The following SEPTIN10 variants were observed in gnomAD, a reference collection of about 807,000 sequenced individuals.
SEPTIN10 encodes septin-10.
SEPTIN10 carries 66 observed loss-of-function variants against 54.8 expected under a neutral mutation model. That is an observed-to-expected ratio of 1.21 (90% CI 0.99 to 1.48). SEPTIN10 has a LOEUF of 1.48. Among genes scored for constraint, SEPTIN10 ranks in the 40% most tolerant of loss-of-function variants. SEPTIN10 has a pLI of 0.00. For missense variants in SEPTIN10, 620 were observed against 545.6 expected (o/e 1.14, Z -1.36); for synonymous variants, 161 against 181.0 (o/e 0.89, Z 0.89).
At chr2:109,555,523 GA>G (rs770783689) in intron 8 of SEPTIN10, among the ~76,000 whole-genome samples, 1 of 152,192 alleles carries the variant, frequency 6.6e-6, no homozygotes, top group Non-Finnish European at 1.5e-5. Context: ...TATACCACTG[GA>G]GGCTATATTA....
chr2:109,561,657 C>T (rs899984660), intron 8 of SEPTIN10, among the ~76,000 whole-genome samples: 1 of 152,234 alleles, frequency 6.6e-6, no homozygotes, highest in Non-Finnish European at 1.5e-5. Context: ...TTAAATGTAA[C>T]ATTTCTAAAA....
Position 109,574,617 on chromosome 2 carries a change from T to G in SEPTIN10, c.564A>C (p.Thr188=), listed in dbSNP as rs762985012. 1.6e-5 allele frequency: 25 copies of G among 1,600,216 alleles called. No individual in the cohort carries two copies. The highest frequency in any genetic ancestry group is 2.0e-5 in the Non-Finnish European group (24 of 1,173,938). The change falls in exon 5 of 11, where the codon ACA becomes ACC. Residue 188 remains threonine (T), a synonymous_variant. Coordinates refer to ENST00000397712, the MANE Select transcript of SEPTIN10 (RefSeq NM_144710.5). ...FISPTGHSLK[T]LDLLTMKNLD... is the part of the protein sequence containing the mutation. ...GGTTCTTCATGGTTAAGAGATCAAG[T>G]GTCTTCAGAGAGTGGCCTGTCGGTG...
At chr2:109,573,562 A>C (rs4953783) in intron 5 of SEPTIN10, among the ~76,000 whole-genome samples, 20,398 of 152,124 alleles carry the variant, frequency 0.13, 1,841 homozygotes, top group African/African-American at 0.26. Flanking sequence ...GATGTGCCAA[A>C]GCTTCACTAG....
chr2:109,574,514 T>C, intron 5 of SEPTIN10, 67 bp downstream of exon 5: 1 of 1,024,414 alleles, frequency 9.8e-7, no homozygotes, highest in South Asian at 3.4e-5. Context: ...ATCCATATTG[T>C]AAAAATATTT....
At chr2:109,545,146 TG>T in intron 10 of SEPTIN10, 1 of 985,362 alleles carries the variant, frequency 1.0e-6, no homozygotes, top group Non-Finnish European at 1.2e-6. Flanking sequence ...GTGGGGAACA[TG>T]GGAGCATGCA....
rs573630899 is a variant in SEPTIN10, at chr2:109,544,886, T to C, written c.1350-562A>G. On this transcript the variant is annotated intron_variant, in intron 10 of 10. Coordinates refer to ENST00000397712, the MANE Select transcript of SEPTIN10 (RefSeq NM_144710.5). ...TAAAGATCCATGCCCTTGGAGAGCT[T>C]GCATTGAAAGATCATACATGAGAAT... 6 of 901,868 alleles carry C rather than the reference T, an allele frequency of 6.7e-6. No homozygotes were observed. The South Asian group carries it at 2.5e-4, about 38-fold the overall frequency. 55.9% of individuals were successfully genotyped at this position (901,868 alleles called of 1,614,324 possible). A position where few individuals can be genotyped will look rare whatever the true frequency, so the allele number is the denominator to read the frequency against.
chr2:109,592,986 A>T, intron 2 of SEPTIN10, 65 bp downstream of exon 2: 1 of 1,079,786 alleles, frequency 9.3e-7, no homozygotes, highest in Non-Finnish European at 1.3e-6. Context: ...CACTCCAAGT[A>T]GTTATTTTAA....
At chr2:109,545,970 T>C in intron 10 of SEPTIN10, 80 bp downstream of exon 10, 1 of 1,493,706 alleles carries the variant, frequency 6.7e-7, no homozygotes, top group African/African-American at 1.4e-5. Context: ...GAAGCAGAAG[T>C]AAGAAGCGCT....
At chr2:109,596,940 A>C (rs1695439544) in intron 1 of SEPTIN10, among the ~76,000 whole-genome samples, 1 of 152,154 alleles carries the variant, frequency 6.6e-6, no homozygotes, top group South Asian at 2.1e-4. Flanking sequence ...TTTTTTTAAA[A>C]TTTATTAATT....
chr2:109,558,076 A>T (rs907099621), intron 8 of SEPTIN10, among the ~76,000 whole-genome samples: 7 of 152,142 alleles, frequency 4.6e-5, no homozygotes, highest in African/African-American at 1.7e-4. Context: ...ACAGGCGTGA[A>T]CGACTGCACC....
At chr2:109,596,127 G>C (rs1558870073) in intron 1 of SEPTIN10, among the ~76,000 whole-genome samples, 1 of 152,102 alleles carries the variant, frequency 6.6e-6, no homozygotes, top group Admixed American at 6.6e-5. Context: ...AACCTCCTGG[G>C]CTCAGGCGAT....
At chr2:109,559,538 T>C (rs1685146413) in intron 8 of SEPTIN10, among the ~76,000 whole-genome samples, 2 of 152,222 alleles carry the variant, frequency 1.3e-5, no homozygotes, top group African/African-American at 4.8e-5. Context: ...CCTGAAGAAA[T>C]GCTCAGCAAA....
chr2:109,573,396 A>G (rs1688838705), intron 5 of SEPTIN10, among the ~76,000 whole-genome samples: 1 of 152,244 alleles, frequency 6.6e-6, no homozygotes, highest in African/African-American at 2.4e-5. Context: ...TTTAACAAAT[A>G]TGAATTTCCA....
At chr2:109,546,452 T>A (rs2104556961) in intron 9 of SEPTIN10, among the ~76,000 whole-genome samples, 1 of 152,308 alleles carries the variant, frequency 6.6e-6, no homozygotes, top group African/African-American at 2.4e-5. Flanking sequence ...CATGCAAAAA[T>A]CATAGCTTTA....
intron 1 of SEPTIN10, among the ~76,000 whole-genome samples, chr2:109,593,806 T>C (rs1694648139): frequency 6.6e-6 from 1 of 152,152 alleles, no homozygotes; most frequent in Non-Finnish European, 1.5e-5. Flanking sequence ...AATGCTACAA[T>C]TGTGGTGTGG....
At chr2:109,553,275 C>A in intron 8 of SEPTIN10, 56 bp from the exon 9 acceptor site, 2 of 1,582,642 alleles carry the variant, frequency 1.3e-6, no homozygotes, top group South Asian at 2.3e-5. Context: ...TCGGGTATGG[C>A]GGCTCACGCC....
chr2:109,589,734 G>A (rs1052383224), intron 2 of SEPTIN10, among the ~76,000 whole-genome samples: 2 of 146,514 alleles, frequency 1.4e-5, no homozygotes, highest in Non-Finnish European at 3.0e-5. Context: ...TTATTATATA[G>A]CCAAAAAAAA....
At chr2:109,546,735 C>CT (rs1332691358) in intron 9 of SEPTIN10, among the ~76,000 whole-genome samples, 1 of 152,076 alleles carries the variant, frequency 6.6e-6, no homozygotes, top group Non-Finnish European at 1.5e-5. Flanking sequence ...AATGTTAAAA[C>CT]TGTATTCTAT....
rs1237839493 is a variant in SEPTIN10 at position 109,543,024 on chromosome 2, T to C, written c.*1285A>G. ...TTTATTTGTCAAGAGTAAATGTCAG[T>C]TTTATTTAGAATATTCAAGTACAAA... is the stretch of plus-strand genomic sequence containing the variant. On this transcript the variant is annotated 3_prime_UTR_variant, in exon 11 of 11. Transcript: ENST00000397712. 1 of 152,270 alleles carries C rather than the reference T, an allele frequency of 6.6e-6. No individual in the cohort carries two copies. Among genetic ancestry groups the C allele is most frequent in the Non-Finnish European group, 1.5e-5 (1 of 68,024 alleles). The allele number at this position is 152,270 out of a possible 1,614,324, so 9.4% of individuals were successfully genotyped here. A position where few individuals can be genotyped will look rare whatever the true frequency, so the allele number is the denominator to read the frequency against.
Sources: allele counts gnomAD v4.1 joint callset (sites outside exome capture counted in the v4.1 genomes callset), GRCh38; gene constraint gnomAD v4.1.1; transcripts MANE v1.5; gene names NCBI Gene and HGNC (gene_info 2026-07-23, HGNC 2026-07-21).